GALNT10: variants seen among roughly 807,000 people sequenced by gnomAD.
GALNT10 encodes GalNAc transferase 10.
In GALNT10, 41 loss-of-function variants were observed where a neutral mutation model predicts 75.0. The ratio of observed to expected loss-of-function variants is 0.55; its 90% CI spans 0.43 to 0.71. GALNT10 has a LOEUF of 0.71. GALNT10 is among the 30% of genes least tolerant of loss of function. The pLI, the probability that GALNT10 is intolerant of heterozygous loss-of-function variation, is 0.00. For missense variants in GALNT10, 727 were observed against 818.5 expected (o/e 0.89, Z 1.36); for synonymous variants, 302 against 313.0 (o/e 0.96, Z 0.37).
chr5:154,310,491 A>G (rs1319339410), intron 3 of GALNT10, among the ~76,000 whole-genome samples: 2 of 150,808 alleles, frequency 1.3e-5, no homozygotes, highest in Non-Finnish European at 1.5e-5. Flanking sequence ...TGTTTTTGAG[A>G]CAGAGTCTCG....
In GALNT10 at chr5:154,380,464, C is replaced by G. The variant is rs540856217; in HGVS notation, c.771C>G (p.Asn257Lys). 1.6e-5 allele frequency: 26 copies of G among 1,613,922 alleles called. No homozygotes were observed. The Middle Eastern group carries it at 6.6e-4, about 41-fold the overall frequency. ...LPPLLDRIARNRKTIVCPMID... is the reference protein window; with the variant it reads ...LPPLLDRIARKRKTIVCPMID... The stretch of plus-strand genomic sequence containing the variant: ...CTTCTTCAGACCGCATTGCTCGGAA[C>G]CGCAAGACCATTGTGTGCCCGATGA... Residue 257 changes from asparagine to lysine, a missense_variant, in exon 6 of 12, where the codon AAC (asparagine) becomes AAG (lysine). Asn to Lys is a moderately conservative substitution (Grantham distance 94). Coordinates refer to ENST00000297107, the MANE Select transcript of GALNT10 (RefSeq NM_198321.4).
At chr5:154,294,042 C>CA (rs1754237997) in intron 1 of GALNT10, among the ~76,000 whole-genome samples, 1 of 151,774 alleles carries the variant, frequency 6.6e-6, no homozygotes, top group African/African-American at 2.4e-5. Flanking sequence ...AAAGGCAGTA[C>CA]AAAAAAAAGA....
At chr5:154,243,269 CTT>C (rs975624737) in intron 1 of GALNT10, among the ~76,000 whole-genome samples, 5 of 152,242 alleles carry the variant, frequency 3.3e-5, no homozygotes, top group African/African-American at 9.6e-5. Flanking sequence ...AGGGACTACT[CTT>C]TTGCTTTCTA....
intron 3 of GALNT10, among the ~76,000 whole-genome samples, chr5:154,313,779 AG>A (rs1754559175): frequency 6.6e-6 from 1 of 152,114 alleles, no homozygotes; most frequent in Non-Finnish European, 1.5e-5. Context: ...CCTTGAGCTG[AG>A]GAAAGAGGCT....
At chr5:154,361,458 C>T (rs1428984734) in intron 4 of GALNT10, among the ~76,000 whole-genome samples, 1 of 152,226 alleles carries the variant, frequency 6.6e-6, no homozygotes, top group Non-Finnish European at 1.5e-5. Flanking sequence ...ATGCCTGGTG[C>T]AGAGTACACT....
chr5:154,297,868 C>T, intron 2 of GALNT10, 73 bp from the exon 3 acceptor site: 1 of 1,322,560 alleles, frequency 7.6e-7, no homozygotes, highest in Non-Finnish European at 1.1e-6. Context: ...TCATATTTTT[C>T]ATCCTTTTTC....
intron 7 of GALNT10, among the ~76,000 whole-genome samples, chr5:154,397,323 TGA>T (rs1237836887): frequency 6.6e-6 from 1 of 152,012 alleles, no homozygotes. Flanking sequence ...CAAAATAATA[TGA>T]GTTTCTTTTC....
rs760742738 is a variant in GALNT10 at position 154,380,546 on chromosome 5, C to T, written c.853C>T (p.Arg285Trp). Residue 285 changes from arginine to tryptophan, a missense_variant, in exon 6 of 12, where the codon CGG becomes TGG. Physicochemically the swap from Arg to Trp is moderately radical, Grantham distance 101. Coordinates refer to ENST00000297107, the MANE Select transcript of GALNT10 (RefSeq NM_198321.4). ...RYETQAGDAM[R>W]GAFDWEMYYK... Reference sequence around the variant, plus strand: ...CGAGACACAGGCAGGGGATGCCATGCGGGGAGCCTTTGACTGGGAGATGTA... The same window carrying T: ...CGAGACACAGGCAGGGGATGCCATGTGGGGAGCCTTTGACTGGGAGATGTA... 15 of 1,613,430 alleles carry T rather than the reference C, an allele frequency of 9.3e-6. No homozygotes were observed. Among genetic ancestry groups the T allele is most frequent in the Non-Finnish European group, 1.2e-5 (14 of 1,179,548 alleles).
rs1314725134 is a variant in GALNT10 at position 154,415,843 on chromosome 5, T to G, written c.1564T>G (p.Phe522Val). The stretch of plus-strand genomic sequence containing the variant: ...TGGAGACCCCCAGCACACCAAGAAG[T>G]TCTGCTTTGATGCCATTTCCCACAC... ...RPGDPQHTKK[F>V]CFDAISHTSP... is the part of the protein sequence containing the mutation. Residue 522 changes from phenylalanine to valine, a missense_variant, in exon 11 of 12, where the codon TTC becomes GTC. Coordinates refer to ENST00000297107, the MANE Select transcript of GALNT10 (RefSeq NM_198321.4). 1 of 1,613,922 alleles carries G rather than the reference T, an allele frequency of 6.2e-7. No homozygotes were observed. Among genetic ancestry groups the G allele is most frequent in the African/African-American group, 1.3e-5 (1 of 74,896 alleles).
At chr5:154,219,771 G>A (rs941492252) in intron 1 of GALNT10, 2 of 151,868 alleles carry the variant, frequency 1.3e-5, no homozygotes, top group Non-Finnish European at 2.9e-5. Context: ...CTGATCCAGA[G>A]ACAGTAAGTG....
At chr5:154,280,390 A>G (rs1241617985) in intron 1 of GALNT10, among the ~76,000 whole-genome samples, 1 of 152,178 alleles carries the variant, frequency 6.6e-6, no homozygotes, top group Non-Finnish European at 1.5e-5. Flanking sequence ...ATTTTTTCAA[A>G]TAGCTAGAAG....
chr5:154,321,163 AT>A (rs1754667127), intron 3 of GALNT10, among the ~76,000 whole-genome samples: 3 of 152,088 alleles, frequency 2.0e-5, no homozygotes, highest in African/African-American at 7.2e-5. Flanking sequence ...CCACCCCTCA[AT>A]CCACTATACG....
chr5:154,246,314 G>A (rs576815720), intron 1 of GALNT10, among the ~76,000 whole-genome samples: 1 of 152,272 alleles, frequency 6.6e-6, no homozygotes, highest in Non-Finnish European at 1.5e-5. Context: ...AGTCCTTTGG[G>A]TATATACCCA....
chr5:154,335,938 T>C (rs1351781412), intron 4 of GALNT10, among the ~76,000 whole-genome samples: 1 of 152,242 alleles, frequency 6.6e-6, no homozygotes, highest in Non-Finnish European at 1.5e-5. Context: ...TATAGCATCA[T>C]ACAGAGTAGT....
chr5:154,247,826 T>C (rs1425606195), intron 1 of GALNT10, among the ~76,000 whole-genome samples: 2 of 152,246 alleles, frequency 1.3e-5, no homozygotes, highest in Non-Finnish European at 2.9e-5. Flanking sequence ...CTGATTGCCC[T>C]GGCCAGAATT....
chr5:154,388,283 A>T (rs1244865761), intron 7 of GALNT10: 2 of 152,224 alleles, frequency 1.3e-5, no homozygotes, highest in Admixed American at 6.5e-5. Context: ...CATAAGGGTA[A>T]TGTTCAAAAT....
intron 4 of GALNT10, among the ~76,000 whole-genome samples, chr5:154,374,856 G>A (rs1441741192): frequency 6.6e-6 from 1 of 152,214 alleles, no homozygotes; most frequent in Non-Finnish European, 1.5e-5. Context: ...GGAGAGGCAG[G>A]AGTATCTGGT....
intron 1 of GALNT10, among the ~76,000 whole-genome samples, chr5:154,214,056 T>G (rs1397233355): frequency 1.3e-5 from 2 of 152,216 alleles, no homozygotes; most frequent in Non-Finnish European, 2.9e-5. Context: ...CTTCGTTTCC[T>G]TCCAGTTATT....
chr5:154,371,651 T>G (rs1457421216), intron 4 of GALNT10, among the ~76,000 whole-genome samples: 11 of 150,688 alleles, frequency 7.3e-5, no homozygotes, highest in Admixed American at 2.0e-4. Flanking sequence ...AGTTCTGGCC[T>G]CACTCAGACC....
Sources: gnomAD v4.1 joint callset for allele counts (sites outside exome capture counted in the v4.1 genomes callset) on GRCh38, gnomAD v4.1.1 for gene constraint, MANE v1.5 for transcripts, NCBI Gene and HGNC (gene_info 2026-07-23, HGNC 2026-07-21) for gene names.